The following DACH2 variants were observed in gnomAD, a reference collection of about 807,000 sequenced individuals.
DACH2 encodes the protein dachshund homolog 2.
In DACH2, 17 loss-of-function variants were observed where a neutral mutation model predicts 35.8. That is an observed-to-expected ratio of 0.48 (90% confidence interval 0.33 to 0.71). The LOEUF (loss-of-function observed/expected upper bound fraction) is 0.71, where lower values mean the gene tolerates loss of function less well. Ranked by LOEUF, DACH2 falls within the 30% of genes least tolerant of loss-of-function variation. DACH2 has a pLI of 0.02. For synonymous variants in DACH2, 195 were observed against 177.3 expected, an observed-to-expected ratio of 1.10 and a Z score of -0.79; for missense variants, 469 against 472.7, an observed-to-expected ratio of 0.99 and a Z score of 0.07.
chrX:86,667,207 G>C (rs1283841954), intron 4 of DACH2, among the ~76,000 whole-genome samples: 1 of 98,803 alleles, frequency 1.0e-5, no homozygotes, highest in Non-Finnish European at 2.0e-5. Flanking sequence ...AGTGAGCCGA[G>C]ACTGCACTCC....
At chrX:86,702,988 A>T (rs1350047506) in intron 5 of DACH2, among the ~76,000 whole-genome samples, 1 of 111,226 alleles carries the variant, frequency 9.0e-6, no homozygotes, top group African/African-American at 3.3e-5. Context: ...ACAGACCAAT[A>T]TCCCTGATGA....
chrX:86,369,230 G>T (rs1411304403), intron 1 of DACH2, among the ~76,000 whole-genome samples: 2 of 110,410 alleles, frequency 1.8e-5, no homozygotes, highest in Admixed American at 1.9e-4. Flanking sequence ...TGTGCCTCTG[G>T]TCTCTTAATT....
intron 7 of DACH2, among the ~76,000 whole-genome samples, chrX:86,784,369 G>GA (rs201368220): frequency 1.5e-4 from 16 of 108,339 alleles, no homozygotes; most frequent in Middle Eastern, 9.4e-3. Flanking sequence ...ACATACATAT[G>GA]AAAAAAAAAT....
At chrX:86,402,285 T>C (rs1314317477) in intron 2 of DACH2, among the ~76,000 whole-genome samples, 2 of 111,997 alleles carry the variant, frequency 1.8e-5, no homozygotes, top group Non-Finnish European at 3.8e-5. Context: ...CATTGAAAAC[T>C]CTAAAGAGTC....
At chrX:86,492,147 T>C (rs1335386048) in intron 2 of DACH2, among the ~76,000 whole-genome samples, 1 of 111,695 alleles carries the variant, frequency 9.0e-6, no homozygotes, top group African/African-American at 3.2e-5. Flanking sequence ...TTCATTCATG[T>C]TGTCACATAT....
chrX:86,544,497 T>C (rs1318993142), intron 3 of DACH2, among the ~76,000 whole-genome samples: 1 of 111,487 alleles, frequency 9.0e-6, no homozygotes, highest in Non-Finnish European at 1.9e-5. Flanking sequence ...TTCAGCATTC[T>C]TAAAGAAAAG....
chrX:86,269,295 T>C (rs1353099952), intron 1 of DACH2, among the ~76,000 whole-genome samples: 2 of 112,149 alleles, frequency 1.8e-5, no homozygotes, highest in Non-Finnish European at 3.8e-5. Context: ...ACCTCCAGTA[T>C]TATCCCGTGT....
At chrX:86,212,928 T>G (rs1405160900) in intron 1 of DACH2, among the ~76,000 whole-genome samples, 2 of 111,527 alleles carry the variant, frequency 1.8e-5, no homozygotes, top group East Asian at 5.6e-4. Context: ...AGCATGTGAC[T>G]TACTTCCGCC....
chrX:86,663,019 A>C (rs1296926557), intron 4 of DACH2, among the ~76,000 whole-genome samples: 1 of 112,107 alleles, frequency 8.9e-6, no homozygotes, highest in South Asian at 3.6e-4. Flanking sequence ...ATAATAAAAC[A>C]ATAAAATATA....
At chrX:86,741,167 T>C (rs1418527519) in intron 7 of DACH2, among the ~76,000 whole-genome samples, 1 of 111,956 alleles carries the variant, frequency 8.9e-6, no homozygotes, top group Non-Finnish European at 1.9e-5. Flanking sequence ...CAAAATAATG[T>C]ATTTTCTTGG....
intron 1 of DACH2, among the ~76,000 whole-genome samples, chrX:86,152,436 T>C (rs1435008965): frequency 9.0e-6 from 1 of 111,629 alleles, no homozygotes; most frequent in East Asian, 2.8e-4. Context: ...ATGAGTAAAA[T>C]ATATACATAA....
At chrX:86,451,603 G>GAA (rs2148197225) in intron 2 of DACH2, among the ~76,000 whole-genome samples, 1 of 111,593 alleles carries the variant, frequency 9.0e-6, no homozygotes, top group Admixed American at 9.6e-5. Flanking sequence ...GAATGTCAAT[G>GAA]ATAGTTTAAT....
intron 2 of DACH2, among the ~76,000 whole-genome samples, chrX:86,397,181 G>T (rs965720070): frequency 5.4e-5 from 6 of 110,531 alleles, no homozygotes; most frequent in Admixed American, 2.9e-4. Context: ...TCATGATTTG[G>T]CTCTCTGTTT....
intron 3 of DACH2, among the ~76,000 whole-genome samples, chrX:86,543,796 G>A (rs778358117): frequency 1.1e-3 from 102 of 93,610 alleles, no homozygotes; most frequent in African/African-American, 3.8e-3. Context: ...GAGAACACAT[G>A]GACACAGGAA....
At chrX:86,603,392 C>G (rs1476882658) in intron 3 of DACH2, among the ~76,000 whole-genome samples, 1 of 110,376 alleles carries the variant, frequency 9.1e-6, no homozygotes, top group South Asian at 3.9e-4. Context: ...CTTTGCCCTC[C>G]CCCAGTTCAT....
At chrX:86,751,071 G>T (rs1039182175) in intron 7 of DACH2, among the ~76,000 whole-genome samples, 1 of 111,182 alleles carries the variant, frequency 9.0e-6, no homozygotes, top group Non-Finnish European at 1.9e-5. Flanking sequence ...AACTAAAAGT[G>T]CACAAGGTTC....
At chrX:86,568,550 A>G (rs1009005505) in intron 3 of DACH2, among the ~76,000 whole-genome samples, 3 of 111,852 alleles carry the variant, frequency 2.7e-5, no homozygotes, top group African/African-American at 9.7e-5. Flanking sequence ...AGAGAGGAAG[A>G]CTAAAGTGGA....
intron 11 of DACH2, among the ~76,000 whole-genome samples, chrX:86,817,836 A>G: frequency 8.9e-6 from 1 of 111,922 alleles, no homozygotes; most frequent in Middle Eastern, 4.6e-3. Flanking sequence ...CCAAGAATGG[A>G]TTTTGCATAT....
At chrX:86,321,351 A>G (rs5968886) in intron 1 of DACH2, among the ~76,000 whole-genome samples, 19,098 of 111,227 alleles carry the variant, frequency 0.17, 1,786 homozygotes, top group African/African-American at 0.35. Context: ...CTTTCTGAGG[A>G]ATGAACCTTT....
Sources: gnomAD v4.1 joint callset for allele counts (sites outside exome capture counted in the v4.1 genomes callset) on GRCh38, gnomAD v4.1.1 for gene constraint, MANE v1.5 for transcripts, NCBI Gene and HGNC (gene_info 2026-07-23, HGNC 2026-07-21) for gene names.